The following WWC2 variants were observed in gnomAD, a reference collection of about 807,000 sequenced individuals.
The protein encoded by WWC2 is protein WWC2.
WWC2 carries 101 observed loss-of-function variants against 138.5 expected under a neutral mutation model. The ratio of observed to expected loss-of-function variants is 0.73; its 90% CI spans 0.62 to 0.86. WWC2 has a LOEUF of 0.86. WWC2 is among the 40% of genes least tolerant of loss of function. The probability of loss-of-function intolerance (pLI) is 0.00; values close to 1 mark genes in which losing one functional copy is unlikely to be tolerated. For synonymous variants in WWC2, 558 were observed against 538.4 expected (o/e 1.04, Z -0.50); for missense variants, 1,420 against 1,419.4 (o/e 1.00, Z -0.01).
At chr4:183,131,165 C>T (rs1732914112) in intron 1 of WWC2, among the ~76,000 whole-genome samples, 1 of 152,086 alleles carries the variant, frequency 6.6e-6, no homozygotes, top group Non-Finnish European at 1.5e-5. Flanking sequence ...CATCTATATG[C>T]AGAAAACAAA....
intron 4 of WWC2, among the ~76,000 whole-genome samples, chr4:183,237,572 T>C (rs1736466525): frequency 6.6e-6 from 1 of 152,206 alleles, no homozygotes; most frequent in Non-Finnish European, 1.5e-5. Context: ...AGTAATCCTT[T>C]CCTCCTTTGA....
intron 1 of WWC2, among the ~76,000 whole-genome samples, chr4:183,169,937 A>C (rs1326236483): frequency 6.6e-6 from 1 of 152,198 alleles, no homozygotes; most frequent in East Asian, 1.9e-4. Context: ...ACTTTTACCT[A>C]AGTAGAGAAG....
rs1737442336 is a variant in WWC2 at position 183,264,866 on chromosome 4, C to A, written c.1910-112C>A. The A allele has an allele frequency of 1.2e-5, 14 of 1,161,638 alleles. No individual in the cohort carries two copies. The South Asian group carries it at 3.1e-4, about 26-fold the overall frequency. The allele number at this position is 1,161,638 out of a possible 1,614,324, so 72.0% of individuals were successfully genotyped here. A position where few individuals can be genotyped will look rare whatever the true frequency, so the allele number is the denominator to read the frequency against. Reference sequence around the variant, plus strand: ...GATTTGAATATTAACATCCTTGACTCCCAGAAGGAAATCTTATTTTGGATT... The same window carrying A: ...GATTTGAATATTAACATCCTTGACTACCAGAAGGAAATCTTATTTTGGATT... On this transcript the variant is annotated intron_variant, in intron 11 of 22. Coordinates refer to ENST00000403733, the MANE Select transcript of WWC2 (RefSeq NM_024949.6).
intron 5 of WWC2, among the ~76,000 whole-genome samples, chr4:183,241,004 C>A (rs1736599466): frequency 6.6e-6 from 1 of 152,210 alleles, no homozygotes; most frequent in Non-Finnish European, 1.5e-5. Context: ...ACACCTGAGA[C>A]TTTCTAATCC....
intron 1 of WWC2, among the ~76,000 whole-genome samples, chr4:183,141,783 G>A (rs2111096798): frequency 6.6e-6 from 1 of 152,252 alleles, no homozygotes; most frequent in South Asian, 2.1e-4. Flanking sequence ...ATACATGACA[G>A]CTTTATGTTA....
chr4:183,138,235 T>G (rs1367161641), intron 1 of WWC2, among the ~76,000 whole-genome samples: 1 of 152,166 alleles, frequency 6.6e-6, no homozygotes, highest in African/African-American at 2.4e-5. Flanking sequence ...ACAGGCTCTT[T>G]CTTTTTGCAG....
chr4:183,211,340 C>T (rs1735590747), intron 4 of WWC2, among the ~76,000 whole-genome samples: 1 of 152,162 alleles, frequency 6.6e-6, no homozygotes, highest in South Asian at 2.1e-4. Flanking sequence ...GTTTTAATCT[C>T]AGAATTTCTA....
intron 1 of WWC2, among the ~76,000 whole-genome samples, chr4:183,163,179 A>G (rs916910005): frequency 6.6e-6 from 1 of 152,240 alleles, no homozygotes; most frequent in Non-Finnish European, 1.5e-5. Flanking sequence ...TCACGTGGCC[A>G]CACAGAGATT....
chr4:183,124,175 T>A (rs971568775), intron 1 of WWC2, among the ~76,000 whole-genome samples: 10 of 152,310 alleles, frequency 6.6e-5, no homozygotes, highest in African/African-American at 2.4e-4. Context: ...AGATAATTGT[T>A]TGGGTATCTA....
intron 22 of WWC2, among the ~76,000 whole-genome samples, chr4:183,315,033 G>C (rs1221555378): frequency 6.6e-6 from 1 of 152,212 alleles, no homozygotes; most frequent in African/African-American, 2.4e-5. Flanking sequence ...CGTGCTGACG[G>C]CATAAATGCC....
intron 1 of WWC2, among the ~76,000 whole-genome samples, chr4:183,183,544 G>C (rs966048778): frequency 3.9e-5 from 6 of 152,164 alleles, no homozygotes; most frequent in Admixed American, 2.6e-4. Flanking sequence ...CACTTTGGGA[G>C]GCCAGCGAGG....
intron 22 of WWC2, among the ~76,000 whole-genome samples, chr4:183,313,712 G>A (rs577130093): frequency 1.2e-3 from 180 of 151,808 alleles, no homozygotes; most frequent in African/African-American, 4.2e-3. Flanking sequence ...AGGCTGGTGG[G>A]CACCAATCAC....
In WWC2 at chr4:183,317,530, CAG is replaced by C. The variant is rs1224445354; in HGVS notation, c.*1803_*1804del. On this transcript the variant is annotated 3_prime_UTR_variant, in exon 23 of 23. Transcript: ENST00000403733. ...CCTTGTCAAGGTCAAATGTGAAAGA[CAG>C]AAGTTTATTTAATGTAGAGGTAAAT... 1 of 152,590 alleles carries C rather than the reference CAG, an allele frequency of 6.6e-6. No homozygotes were observed. Among genetic ancestry groups the C allele is most frequent in the Non-Finnish European group, 1.5e-5 (1 of 68,028 alleles). The allele number at this position is 152,590 out of a possible 1,614,324, so 9.5% of individuals were successfully genotyped here.
chr4:183,312,296 A>AATC, intron 21 of WWC2, 45 bp from the exon 22 acceptor site: 1 of 1,601,332 alleles, frequency 6.2e-7, no homozygotes, highest in Non-Finnish European at 8.5e-7. Flanking sequence ...AGGGATTTCT[A>AATC]ATCAGTGTTT....
rs1733465675 is a variant in WWC2 at position 183,146,510 on chromosome 4, T to TGG, written c.131+46892_131+46893dup. On this transcript the variant is annotated intron_variant, in intron 1 of 22. Coordinates refer to ENST00000403733, the MANE Select transcript of WWC2 (RefSeq NM_024949.6). ...AATGAGATGTATGAAATTCAGAGTT[T>TGG]GGGGGAGTTCTTTCATGCCCAGGTA... Among the ~76,000 whole-genome samples the TGG allele has an allele frequency of 2.0e-5, 3 of 152,210 alleles. No homozygotes were observed. The South Asian group carries it at 6.2e-4, about 31-fold the overall frequency.
At chr4:183,250,289 T>G (rs982940740) in intron 8 of WWC2, among the ~76,000 whole-genome samples, 1 of 151,892 alleles carries the variant, frequency 6.6e-6, no homozygotes, top group Admixed American at 6.6e-5. Flanking sequence ...TACTTAACTC[T>G]CAATTAAAAG....
chr4:183,262,768 C>T (rs547677833), intron 11 of WWC2, among the ~76,000 whole-genome samples: 24 of 152,040 alleles, frequency 1.6e-4, no homozygotes, highest in Non-Finnish European at 2.9e-5. Flanking sequence ...GGAAGGAGTA[C>T]GGTGTGTGTG....
chr4:183,258,147 G>T (rs1004710789), intron 9 of WWC2, among the ~76,000 whole-genome samples: 1 of 152,188 alleles, frequency 6.6e-6, no homozygotes, highest in African/African-American at 2.4e-5. Context: ...TCCTTCCGAA[G>T]TGTTTCTCTT....
At chr4:183,109,791 G>A (rs1280658815) in intron 1 of WWC2, among the ~76,000 whole-genome samples, 2 of 152,180 alleles carry the variant, frequency 1.3e-5, no homozygotes, top group African/African-American at 2.4e-5. Context: ...GTACTGTGTG[G>A]GACAAAGGTG....
Sources: allele counts gnomAD v4.1 joint callset (sites outside exome capture counted in the v4.1 genomes callset), GRCh38; gene constraint gnomAD v4.1.1; transcripts MANE v1.5; gene names NCBI Gene and HGNC (gene_info 2026-07-23, HGNC 2026-07-21).